INPP4A: variants seen among roughly 807,000 people sequenced by gnomAD.
INPP4A encodes the protein inositol polyphosphate-4-phosphatase, type I, 107kD.
In INPP4A, 33 loss-of-function variants were observed where a neutral mutation model predicts 119.8. The ratio of observed to expected loss-of-function variants is 0.28; its 90% CI spans 0.21 to 0.37. The LOEUF (loss-of-function observed/expected upper bound fraction) is 0.37, where lower values mean the gene tolerates loss of function less well. Among genes scored for constraint, INPP4A ranks in the 10% least tolerant of loss-of-function variants. The probability of loss-of-function intolerance (pLI) is 1.00; values close to 1 mark genes in which losing one functional copy is unlikely to be tolerated. For missense variants in INPP4A, 956 were observed against 1,289.9 expected (o/e 0.74, Z 3.97); for synonymous variants, 496 against 500.7 (o/e 0.99, Z 0.12).
intron 1 of INPP4A, among the ~76,000 whole-genome samples, chr2:98,454,212 C>T (rs889590880): frequency 2.0e-5 from 3 of 152,202 alleles, no homozygotes; most frequent in Non-Finnish European, 4.4e-5. Context: ...TTGGGGCTGG[C>T]CCCAGTGAAA....
At chr2:98,541,717 T>C (rs1388637068) in intron 10 of INPP4A, among the ~76,000 whole-genome samples, 1 of 152,184 alleles carries the variant, frequency 6.6e-6, no homozygotes, top group Non-Finnish European at 1.5e-5. Context: ...CCTGAACAGA[T>C]AGAACTACAA....
At chr2:98,552,510 C>T in intron 13 of INPP4A, 1 of 550,376 alleles carries the variant, frequency 1.8e-6, no homozygotes, top group Non-Finnish European at 3.5e-6. Flanking sequence ...TTGTTCAATA[C>T]CTGTTCATAC....
chr2:98,544,184 G>A (rs1692059919), intron 11 of INPP4A, among the ~76,000 whole-genome samples, 177 bp downstream of exon 11: 1 of 152,158 alleles, frequency 6.6e-6, no homozygotes, highest in Admixed American at 6.5e-5. Context: ...TTCTTATGTA[G>A]GTGTGAATTC....
chr2:98,451,087 C>T (rs1382305396), intron 1 of INPP4A, among the ~76,000 whole-genome samples: 1 of 152,154 alleles, frequency 6.6e-6, no homozygotes, highest in Non-Finnish European at 1.5e-5. Context: ...GTCCCTTTCA[C>T]CATAGCCTGT....
intron 1 of INPP4A, among the ~76,000 whole-genome samples, chr2:98,451,890 T>A (rs1419289217): frequency 6.6e-6 from 1 of 152,174 alleles, no homozygotes; most frequent in Non-Finnish European, 1.5e-5. Context: ...TTCAAGCTTC[T>A]CCCTGGATTA....
At chr2:98,479,082 T>C (rs1316999960) in intron 1 of INPP4A, among the ~76,000 whole-genome samples, 2 of 152,204 alleles carry the variant, frequency 1.3e-5, no homozygotes, top group Non-Finnish European at 2.9e-5. Flanking sequence ...GTGGTACTGC[T>C]ACTGCCAGTT....
rs764916840 is a variant in INPP4A, at chr2:98,563,668, A to AC, written c.2028+32dup. On this transcript the variant is annotated intron_variant, in intron 18 of 24. Coordinates refer to ENST00000409851, the MANE Select transcript of INPP4A (RefSeq NM_001134225.2). The stretch of plus-strand genomic sequence containing the variant: ...CCCCGGGAGCACCCCGAGGGAGACC[A>AC]CGGGCACCTCTCAGCTCAGAAAAGA... The AC allele has an allele frequency of 3.7e-6, 6 of 1,606,034 alleles. No individual in the cohort carries two copies. The Admixed American group carries it at 1.0e-4, about 27-fold the overall frequency.
At chr2:98,500,019 A>G (rs1346483595) in intron 1 of INPP4A, among the ~76,000 whole-genome samples, 1 of 152,106 alleles carries the variant, frequency 6.6e-6, no homozygotes, top group Non-Finnish European at 1.5e-5. Context: ...TCCGGGGGAA[A>G]CCTTCCCAGT....
chr2:98,475,356 A>G (rs186174352), intron 1 of INPP4A, among the ~76,000 whole-genome samples: 1 of 152,218 alleles, frequency 6.6e-6, no homozygotes, highest in Non-Finnish European at 1.5e-5. Flanking sequence ...AGCCCATTAG[A>G]TTTACAAATT....
chr2:98,495,212 A>G (rs983753449), intron 1 of INPP4A, among the ~76,000 whole-genome samples: 11 of 152,244 alleles, frequency 7.2e-5, no homozygotes, highest in Non-Finnish European at 1.5e-4. Flanking sequence ...GTATGACAGA[A>G]AAAAAGCAGG....
At chr2:98,576,860 G>T in intron 23 of INPP4A, 129 bp from the exon 24 acceptor site, 1 of 1,134,094 alleles carries the variant, frequency 8.8e-7, no homozygotes, top group East Asian at 2.5e-5. Context: ...TGGAGCGTCT[G>T]GCCAGGCCTG....
intron 1 of INPP4A, among the ~76,000 whole-genome samples, chr2:98,471,932 G>A (rs1386814498): frequency 1.3e-5 from 2 of 152,206 alleles, no homozygotes; most frequent in African/African-American, 2.4e-5. Context: ...ACTTTGAAAA[G>A]CTCTGGGAGT....
intron 1 of INPP4A, among the ~76,000 whole-genome samples, chr2:98,517,086 C>T (rs1686284870): frequency 6.6e-6 from 1 of 152,138 alleles, no homozygotes; most frequent in Non-Finnish European, 1.5e-5. Context: ...GAAGCCCTCT[C>T]ACCCTCCCCA....
chr2:98,584,058 C>T (rs963267390), intron 24 of INPP4A, among the ~76,000 whole-genome samples: 2 of 152,184 alleles, frequency 1.3e-5, no homozygotes, highest in African/African-American at 4.8e-5. Context: ...TGGTGGCCTT[C>T]AGTAGGGAGT....
Position 98,477,729 on chromosome 2 carries a change from C to G in INPP4A, c.-166+32644C>G, listed in dbSNP as rs192479508. ...GGAGTCTGATGAACAGAGGCTTTCTCCCTCTACCTCACCCTGCCTTTTACC... is the reference window on the plus strand; with the variant it reads ...GGAGTCTGATGAACAGAGGCTTTCTGCCTCTACCTCACCCTGCCTTTTACC... On this transcript the variant is annotated intron_variant, in intron 1 of 24. Coordinates refer to ENST00000409851, the MANE Select transcript of INPP4A (RefSeq NM_001134225.2). Among the ~76,000 whole-genome samples the G allele has an allele frequency of 9.8e-4, 150 of 152,376 alleles. 1 individual carries two copies. The highest frequency in any genetic ancestry group is 2.4e-3 in the Admixed American group (36 of 15,306).
At chr2:98,508,471 A>T (rs1363486133) in intron 1 of INPP4A, among the ~76,000 whole-genome samples, 1 of 152,120 alleles carries the variant, frequency 6.6e-6, no homozygotes, top group Non-Finnish European at 1.5e-5. Context: ...CTTATTGTGG[A>T]CCCACACTCA....
intron 1 of INPP4A, among the ~76,000 whole-genome samples, chr2:98,511,535 A>C (rs992978518): frequency 4.6e-5 from 7 of 152,058 alleles, no homozygotes; most frequent in Non-Finnish European, 1.0e-4. Flanking sequence ...CCCAGCTCTG[A>C]GGGGAGGAGG....
At chr2:98,521,907 C>A (rs1473729080) in intron 4 of INPP4A, 1 of 151,880 alleles carries the variant, frequency 6.6e-6, no homozygotes, top group African/African-American at 2.4e-5. Context: ...CAGAGGGATA[C>A]CCTGTCTCTA....
chr2:98,571,415 C>T (rs77047806), intron 22 of INPP4A, among the ~76,000 whole-genome samples: 3 of 152,164 alleles, frequency 2.0e-5, no homozygotes, highest in Non-Finnish European at 2.9e-5. Flanking sequence ...GTAGGGGGCG[C>T]GTGCTGAGGC....
Sources: allele counts gnomAD v4.1 joint callset (sites outside exome capture counted in the v4.1 genomes callset), GRCh38; gene constraint gnomAD v4.1.1; transcripts MANE v1.5; gene names NCBI Gene and HGNC (gene_info 2026-07-23, HGNC 2026-07-21).